The following LANCL2 variants were observed in gnomAD, a reference collection of about 807,000 sequenced individuals.
LANCL2 encodes the protein lanC-like protein 2.
LANCL2 carries 33 observed loss-of-function variants against 56.9 expected under a neutral mutation model. That is an observed-to-expected ratio of 0.58 (90% CI 0.44 to 0.78). The LOEUF is 0.78. Among genes scored for constraint, LANCL2 ranks in the 30% least tolerant of loss-of-function variants. The probability of loss-of-function intolerance (pLI) is 0.00; values close to 1 mark genes in which losing one functional copy is unlikely to be tolerated. For missense variants in LANCL2, 562 were observed against 580.2 expected, an observed-to-expected ratio of 0.97 and a Z score of 0.32; for synonymous variants, 233 against 228.2, an observed-to-expected ratio of 1.02 and a Z score of -0.19.
chr7:55,403,852 G>A (rs904359946), intron 5 of LANCL2, among the ~76,000 whole-genome samples: 13 of 152,194 alleles, frequency 8.5e-5, no homozygotes, highest in African/African-American at 2.9e-4. Context: ...TTATAGGCAT[G>A]AGCCACCGTG....
At chr7:55,404,916 A>C (rs1410963643) in intron 5 of LANCL2, among the ~76,000 whole-genome samples, 1 of 152,192 alleles carries the variant, frequency 6.6e-6, no homozygotes, top group Non-Finnish European at 1.5e-5. Context: ...TTCATGATGC[A>C]GGTACATGCT....
intron 1 of LANCL2, among the ~76,000 whole-genome samples, chr7:55,381,256 GTTTCA>G (rs2128991794): frequency 6.6e-6 from 1 of 152,286 alleles, no homozygotes; most frequent in South Asian, 2.1e-4. Context: ...CTGGAGCTAA[GTTTCA>G]TTTACATGGT....
intron 1 of LANCL2, among the ~76,000 whole-genome samples, 197 bp downstream of exon 1, chr7:55,366,426 C>T (rs1789871088): frequency 6.6e-6 from 1 of 152,262 alleles, no homozygotes; most frequent in Non-Finnish European, 1.5e-5. Context: ...GAACCACGTT[C>T]CAGCAGTTCG....
chr7:55,370,143 A>T (rs1789927008), intron 1 of LANCL2, among the ~76,000 whole-genome samples: 1 of 152,132 alleles, frequency 6.6e-6, no homozygotes, highest in Non-Finnish European at 1.5e-5. Context: ...GCTCATTCAC[A>T]TGGTGGTTAG....
At chr7:55,377,542 A>G (rs910744828) in intron 1 of LANCL2, among the ~76,000 whole-genome samples, 3 of 151,878 alleles carry the variant, frequency 2.0e-5, no homozygotes, top group Admixed American at 1.3e-4. Flanking sequence ...ATTTGATTCT[A>G]AGATTTATTA....
At chr7:55,399,876 C>T (rs2128993617) in intron 3 of LANCL2, 81 bp from the exon 4 acceptor site, 4 of 1,066,350 alleles carry the variant, frequency 3.8e-6, no homozygotes, top group East Asian at 5.3e-5. Flanking sequence ...ATAGGTAATT[C>T]CTAAAGCAAC....
At chr7:55,388,951 G>A (rs554352976) in intron 1 of LANCL2, among the ~76,000 whole-genome samples, 1 of 152,330 alleles carries the variant, frequency 6.6e-6, no homozygotes, top group Admixed American at 6.5e-5. Flanking sequence ...CAGTCATTTG[G>A]AGGAGTATCC....
chr7:55,428,094 G>A (rs1291204344), intron 7 of LANCL2: 1 of 462,874 alleles, frequency 2.2e-6, no homozygotes. Context: ...GCAGGAGGAA[G>A]GTGCCAGGGA....
At chr7:55,391,201 G>A (rs539263756) in intron 1 of LANCL2, among the ~76,000 whole-genome samples, 84 of 151,010 alleles carry the variant, frequency 5.6e-4, no homozygotes, top group Admixed American at 6.6e-4. Flanking sequence ...GTGTTTTTTA[G>A]TAGAGACGGG....
rs903084601 is a variant in LANCL2, at chr7:55,365,845, G to T, written c.-181G>T. Reference sequence around the variant, plus strand: ...CCCACCGCCTCTGCGGCCGCCTGATGTGCGAGCAGCCCGCGACGAGGCAGT... The same window carrying T: ...CCCACCGCCTCTGCGGCCGCCTGATTTGCGAGCAGCCCGCGACGAGGCAGT... On this transcript the variant is annotated 5_prime_UTR_variant, in exon 1 of 9. The change abolishes an upstream ATG in the 5' untranslated region. Transcript: ENST00000254770. The T allele has an allele frequency of 4.3e-6, 2 of 468,358 alleles. No homozygotes were observed. Among genetic ancestry groups the T allele is most frequent in the Non-Finnish European group, 3.7e-6 (1 of 267,876 alleles). 29.0% of individuals were successfully genotyped at this position (468,358 alleles called of 1,614,324 possible). A position where few individuals can be genotyped will look rare whatever the true frequency, so the allele number is the denominator to read the frequency against.
At chr7:55,426,046 G>C (rs1212823873) in intron 7 of LANCL2, among the ~76,000 whole-genome samples, 1 of 152,190 alleles carries the variant, frequency 6.6e-6, no homozygotes, top group East Asian at 1.9e-4. Context: ...GTCGTTAACT[G>C]TTCCCTTCAG....
chr7:55,397,865 G>A (rs1030464794), intron 2 of LANCL2, among the ~76,000 whole-genome samples: 2 of 151,862 alleles, frequency 1.3e-5, no homozygotes, highest in Non-Finnish European at 2.9e-5. Flanking sequence ...ACTCTGTACT[G>A]TGTGGCTGCT....
intron 5 of LANCL2, among the ~76,000 whole-genome samples, chr7:55,405,669 T>A (rs1790397818): frequency 6.6e-6 from 1 of 151,732 alleles, no homozygotes; most frequent in Non-Finnish European, 1.5e-5. Context: ...TTTTTTTTTT[T>A]AATGCTAATT....
At chr7:55,412,858 G>A (rs1790486373) in intron 6 of LANCL2, among the ~76,000 whole-genome samples, 2 of 152,094 alleles carry the variant, frequency 1.3e-5, no homozygotes, top group South Asian at 2.1e-4. Flanking sequence ...TCTTTGTTTA[G>A]GATAGATAGG....
chr7:55,418,846 A>AT (rs539077088), intron 6 of LANCL2, among the ~76,000 whole-genome samples: 3,090 of 150,586 alleles, frequency 0.021, 73 homozygotes, highest in African/African-American at 0.055. Flanking sequence ...GAATTTTGTC[A>AT]TTTTTTTTTC....
chr7:55,370,955 A>G (rs1789937489), intron 1 of LANCL2, among the ~76,000 whole-genome samples: 1 of 152,262 alleles, frequency 6.6e-6, no homozygotes. Flanking sequence ...ACATATAGGT[A>G]GTAAAATGGT....
At chr7:55,373,333 C>T (rs1789966577) in intron 1 of LANCL2, among the ~76,000 whole-genome samples, 4 of 151,530 alleles carry the variant, frequency 2.6e-5, no homozygotes, top group Admixed American at 6.6e-5. Flanking sequence ...TTCTGTTTCC[C>T]AGACTGGACC....
intron 1 of LANCL2, among the ~76,000 whole-genome samples, chr7:55,367,199 CAG>C (rs1449935669): frequency 5.9e-5 from 9 of 152,332 alleles, no homozygotes; most frequent in African/African-American, 2.2e-4. Flanking sequence ...GGGAATAAAA[CAG>C]AAGATTGAAT....
rs145218040 is a variant in LANCL2, at chr7:55,417,996, T to A, written c.1008+5907T>A. Among the ~76,000 whole-genome samples, 839 of 152,200 alleles carry A rather than the reference T, an allele frequency of 5.5e-3. 6 individuals carry two copies. The highest frequency in any genetic ancestry group is 0.018 in the African/African-American group (736 of 41,532). On this transcript the variant is annotated intron_variant, in intron 6 of 8. Transcript: ENST00000254770. ...TGCCTGGCCAGAACTGACATCTTAA[T>A]AATGTTGAGTCCTTCTGCTCGCAAA...
Sources: allele counts gnomAD v4.1 joint callset (sites outside exome capture counted in the v4.1 genomes callset), GRCh38; gene constraint gnomAD v4.1.1; transcripts MANE v1.5; gene names NCBI Gene and HGNC (gene_info 2026-07-23, HGNC 2026-07-21).